The following ZSWIM9 variants were observed in gnomAD, a reference collection of about 807,000 sequenced individuals.
ZSWIM9 encodes the protein zinc finger SWIM-type containing 9, also known as uncharacterized protein ZSWIM9.
ZSWIM9 carries 11 observed loss-of-function variants against 25.0 expected under a neutral mutation model. The observed-to-expected ratio is 0.44, with a 90% CI of 0.28 to 0.73. ZSWIM9 has a LOEUF of 0.73. ZSWIM9 is among the 30% of genes least tolerant of loss of function. The pLI is 0.16. For synonymous variants in ZSWIM9, 562 were observed against 582.1 expected (o/e 0.97, Z 0.50); for missense variants, 1,070 against 1,296.5 (o/e 0.83, Z 2.68).
In ZSWIM9 at chr19:48,196,427, A is replaced by G. The variant is rs2123467040; in HGVS notation, c.2363A>G (p.His788Arg). ...GAATGGGCAGCGGCGAGGAGTGAACACCTGGCTGCAGGTGACGGCCTGCAG... is the reference window on the plus strand; with the variant it reads ...GAATGGGCAGCGGCGAGGAGTGAACGCCTGGCTGCAGGTGACGGCCTGCAG... Reference protein sequence around the residue: ...SPEWAAARSEHLAAGDGLQEG... With the variant: ...SPEWAAARSERLAAGDGLQEG... The change falls in exon 4 of 4, where the codon CAC (histidine) becomes CGC (arginine). Residue 788 changes from histidine (H) to arginine (R), a missense_variant. Around this residue, in one of 4 missense-constraint regions of ZSWIM9, gnomAD observed 583 missense variants for 624.7 expected, o/e 0.93. Coordinates refer to ENST00000614654, the MANE Select transcript of ZSWIM9 (RefSeq NM_199341.4). 3.2e-6 allele frequency: 4 copies of G among 1,232,296 alleles called. No homozygotes were observed. Among genetic ancestry groups the G allele is most frequent in the Non-Finnish European group, 4.0e-6 (4 of 988,244 alleles). The allele number at this position is 1,232,296 out of a possible 1,614,324, so 76.3% of individuals were successfully genotyped here. A position where few individuals can be genotyped will look rare whatever the true frequency, so the allele number is the denominator to read the frequency against.
At chr19:48,174,367 C>T (rs2036871749) in intron 2 of ZSWIM9, among the ~76,000 whole-genome samples, 1 of 151,984 alleles carries the variant, frequency 6.6e-6, no homozygotes, top group Non-Finnish European at 1.5e-5. Flanking sequence ...TGAGATCATA[C>T]ATGAGAAAAA....
In ZSWIM9 at chr19:48,195,823, C is replaced by G; in HGVS notation, c.1759C>G (p.Leu587Val). The change falls in exon 4 of 4, where the codon CTA (leucine) becomes GTA (valine). Residue 587 changes from leucine to valine, a missense_variant. Coordinates refer to ENST00000614654, the MANE Select transcript of ZSWIM9 (RefSeq NM_199341.4). This position sits in a 1 kb window ranked among gnomAD's most constrained non-coding sequence, Gnocchi z 5.8. ...WRGSQLEDQALRGLEGYTWRV... is the reference protein window; with the variant it reads ...WRGSQLEDQAVRGLEGYTWRV... ...GGGGTCCCAGTTGGAGGACCAGGCGCTAAGAGGATTGGAAGGGTATACCTG... is the reference window on the plus strand; with the variant it reads ...GGGGTCCCAGTTGGAGGACCAGGCGGTAAGAGGATTGGAAGGGTATACCTG... The G allele has an allele frequency of 6.7e-7, 1 of 1,485,072 alleles. No individual in the cohort carries two copies. The highest frequency in any genetic ancestry group is 8.9e-7 in the Non-Finnish European group (1 of 1,124,324). The allele number at this position is 1,485,072 out of a possible 1,614,324, so 92.0% of individuals were successfully genotyped here. A position where few individuals can be genotyped will look rare whatever the true frequency, so the allele number is the denominator to read the frequency against.
intron 2 of ZSWIM9, 25 bp downstream of exon 2, chr19:48,172,102 T>C: frequency 8.7e-7 from 1 of 1,153,620 alleles, no homozygotes; most frequent in Non-Finnish European, 1.1e-6. Context: ...GCCGCTGTCC[T>C]GCTGGGGGGA....
chr19:48,188,614 C>G (rs377011592), intron 3 of ZSWIM9, among the ~76,000 whole-genome samples: 1 of 152,158 alleles, frequency 6.6e-6, no homozygotes, highest in Admixed American at 6.5e-5. Context: ...TGGCAGGCAC[C>G]AGGGTAACCA....
intron 2 of ZSWIM9, among the ~76,000 whole-genome samples, chr19:48,179,140 A>T (rs374278311): frequency 2.0e-5 from 3 of 151,308 alleles, no homozygotes; most frequent in Admixed American, 6.6e-5. Flanking sequence ...ATACACTCTG[A>T]TTTTTTTTTC....
rs1173330681 is a variant in ZSWIM9, at chr19:48,192,468, A to ATATATAT, written c.589-2185_589-2184insTATATAT. Among the ~76,000 whole-genome samples the ATATATAT allele has an allele frequency of 5.1e-3, 121 of 23,734 alleles. 21 individuals are homozygous for ATATATAT. Among genetic ancestry groups the ATATATAT allele is most frequent in the Non-Finnish European group, 8.1e-3 (91 of 11,230 alleles). 15.6% of individuals were successfully genotyped at this position (23,734 alleles called of 152,430 possible). On this transcript the variant is annotated intron_variant, in intron 3 of 3. Transcript: ENST00000614654. ...CTGTCTCAAAAAAAAAAAAAAAAAA[A>ATATATAT]AAAAAAAAAAAAATATATATATATA...
intron 1 of ZSWIM9, 96 bp from the exon 2 acceptor site, chr19:48,171,698 A>T: frequency 8.0e-7 from 1 of 1,242,332 alleles, no homozygotes; most frequent in South Asian, 1.6e-5. Context: ...CGATAGAGGC[A>T]CCAGCAACCG....
At chr19:48,175,283 G>A (rs1030509969) in intron 2 of ZSWIM9, among the ~76,000 whole-genome samples, 3 of 152,140 alleles carry the variant, frequency 2.0e-5, no homozygotes, top group Non-Finnish European at 2.9e-5. Context: ...CTGGGACTGG[G>A]TAGATGATGA....
At chr19:48,187,544 TATA>T (rs1290215662) in intron 3 of ZSWIM9, 2 of 33,534 alleles carry the variant, frequency 6.0e-5, no homozygotes, top group African/African-American at 1.8e-4. Flanking sequence ...ATTATTATAT[TATA>T]TTATATATAT....
chr19:48,172,138 G>GT, intron 2 of ZSWIM9, 61 bp downstream of exon 2: 1 of 1,234,126 alleles, frequency 8.1e-7, no homozygotes, highest in Non-Finnish European at 1.1e-6. Flanking sequence ...GTGGGTGTGG[G>GT]TGGGAGACGG....
rs1480404959 is a variant in ZSWIM9, at chr19:48,196,725, T to C, written c.2661T>C (p.Arg887=). ...RCSCSIHAAR[R]LPCRHLFAAR... ...GCTGCTCAATTCACGCCGCCCGCCG[T>C]CTGCCCTGCAGACACCTCTTTGCAG... Residue 887 remains arginine, a synonymous_variant, in exon 4 of 4, where the codon CGT becomes CGC. Coordinates refer to ENST00000614654, the MANE Select transcript of ZSWIM9 (RefSeq NM_199341.4). 4 of 1,232,826 alleles carry C rather than the reference T, an allele frequency of 3.2e-6. No individual in the cohort carries two copies. The highest frequency in any genetic ancestry group is 3.0e-6 in the Non-Finnish European group (3 of 988,632). 76.4% of individuals were successfully genotyped at this position (1,232,826 alleles called of 1,614,324 possible).
At position 48,171,988 on chromosome 19, in the gene ZSWIM9, C is replaced by A. The variant is rs921880126; in HGVS notation, c.186C>A (p.Pro62=). 5.2e-6 allele frequency: 8 copies of A among 1,535,626 alleles called. No individual in the cohort carries two copies. The highest frequency in any genetic ancestry group is 1.2e-5 in the South Asian group (1 of 84,034). The part of the protein sequence containing the change: ...HLARCRWASA[P]PLYTLIDVLK... ...CGCGCTGCCGCTGGGCCAGTGCGCCCCCGCTCTACACGCTCATCGACGTGC... is the reference window on the plus strand; with the variant it reads ...CGCGCTGCCGCTGGGCCAGTGCGCCACCGCTCTACACGCTCATCGACGTGC... Residue 62 remains proline (P), a synonymous_variant, in exon 2 of 4, where the codon CCC becomes CCA. Transcript: ENST00000614654.
In ZSWIM9 at chr19:48,182,701, C is replaced by T. The variant is rs1335235059; in HGVS notation, c.522C>T (p.Arg174=). 1.4e-5 allele frequency: 21 copies of T among 1,535,426 alleles called. No homozygotes were observed. The Middle Eastern group carries it at 5.0e-4, about 36-fold the overall frequency. ...VRRLLSYCKG[R]DHGVLDALHV... ...GCCTGCTGTCCTACTGCAAGGGCCGCGACCACGGCGTCCTGGACGCCCTGC... is the reference window on the plus strand; with the variant it reads ...GCCTGCTGTCCTACTGCAAGGGCCGTGACCACGGCGTCCTGGACGCCCTGC... The change falls in exon 3 of 4, where the codon CGC becomes CGT. Residue 174 remains arginine (R), a synonymous_variant. Coordinates refer to ENST00000614654, the MANE Select transcript of ZSWIM9 (RefSeq NM_199341.4). This position sits in a 1 kb window ranked among gnomAD's most constrained non-coding sequence, Gnocchi z 4.6.
rs936763781 is a variant in ZSWIM9 at position 48,194,946 on chromosome 19, C to T, written c.882C>T (p.Ala294=). The T allele has an allele frequency of 2.3e-6, 3 of 1,322,868 alleles. No homozygotes were observed. Among genetic ancestry groups the T allele is most frequent in the African/African-American group, 3.2e-5 (2 of 62,930 alleles). The allele number at this position is 1,322,868 out of a possible 1,614,324, so 81.9% of individuals were successfully genotyped here. The part of the protein sequence containing the change: ...DVKGRVRCLT[A]GPEVAAQLPA... ...AGGGCCGCGTGCGCTGCCTCACCGC[C>T]GGGCCCGAGGTGGCGGCGCAGTTGC... Residue 294 remains alanine (A), a synonymous_variant, in exon 4 of 4, where the codon GCC becomes GCT. Coordinates refer to ENST00000614654, the MANE Select transcript of ZSWIM9 (RefSeq NM_199341.4). The surrounding 1 kb of genome is among the most constrained non-coding windows in gnomAD (Gnocchi z 6.0).
rs1469734133 is a variant in ZSWIM9 at position 48,171,778 on chromosome 19, C to A, written c.-9-16C>A. 2.0e-6 allele frequency: 3 copies of A among 1,521,882 alleles called. No individual in the cohort carries two copies. Among genetic ancestry groups the A allele is most frequent in the Non-Finnish European group, 2.6e-6 (3 of 1,140,034 alleles). 94.3% of individuals were successfully genotyped at this position (1,521,882 alleles called of 1,614,324 possible). On this transcript the variant is annotated splice_polypyrimidine_tract_variant and intron_variant, in intron 1 of 3. Coordinates refer to ENST00000614654, the MANE Select transcript of ZSWIM9 (RefSeq NM_199341.4). ...AATGGGTCTGATATCCACCTGTTCT[C>A]CCCTCCTCCACGCAGGCCCCCAGGA...
At position 48,195,065 on chromosome 19, in the gene ZSWIM9, G is replaced by T; in HGVS notation, c.1001G>T (p.Gly334Val). The T allele has an allele frequency of 7.3e-7, 1 of 1,372,464 alleles. No homozygotes were observed. The highest frequency in any genetic ancestry group is 1.5e-5 in the South Asian group (1 of 65,876). The allele number at this position is 1,372,464 out of a possible 1,614,324, so 85.0% of individuals were successfully genotyped here. A position where few individuals can be genotyped will look rare whatever the true frequency, so the allele number is the denominator to read the frequency against. The stretch of plus-strand genomic sequence containing the variant: ...TTCAGCAAGGCGCAGGAGCTGGGCG[G>T]CGCCGGCCGCGAGGACCCGGGCCTG... ...TLFSKAQELG[G>V]AGREDPGLWS... Residue 334 changes from glycine (G) to valine (V), a missense_variant, in exon 4 of 4, where the codon GGC becomes GTC. By Grantham distance (109) the Gly-to-Val change is moderately radical. Around this residue, in one of 4 missense-constraint regions of ZSWIM9, gnomAD observed 184 missense variants for 243.1 expected, o/e 0.76. Transcript: ENST00000614654. The surrounding 1 kb of genome is among the most constrained non-coding windows in gnomAD (Gnocchi z 5.8).
In ZSWIM9 at chr19:48,172,056, C is replaced by T; in HGVS notation, c.254C>T (p.Ala85Val). 2.6e-6 allele frequency: 4 copies of T among 1,523,868 alleles called. No individual in the cohort carries two copies. Among genetic ancestry groups the T allele is most frequent in the Non-Finnish European group, 3.5e-6 (4 of 1,137,652 alleles). 94.4% of individuals were successfully genotyped at this position (1,523,868 alleles called of 1,614,324 possible). The change falls in exon 2 of 4, where the codon GCG becomes GTG. Residue 85 changes from alanine (A) to valine (V), a missense_variant. This residue lies in a region of ZSWIM9 where 265 missense variants were observed against 339.0 expected (regional missense o/e 0.78). Transcript: ENST00000614654. ...CGGCTTGTGTGCAAGGACGTGCGTG[C>T]GCCCAGCCGGCCCGCCGTGGGGTGC... The part of the protein sequence containing the change: ...YVRLVCKDVR[A>V]PSRPAVGPPQ...
chr19:48,188,517 G>A (rs1014660963), intron 3 of ZSWIM9, among the ~76,000 whole-genome samples: 9 of 151,390 alleles, frequency 5.9e-5, no homozygotes, highest in African/African-American at 1.2e-4. Context: ...GTGAGCCACC[G>A]CACCCAACCT....
At position 48,195,338 on chromosome 19, in the gene ZSWIM9, A is replaced by G; in HGVS notation, c.1274A>G (p.Gln425Arg). 1.3e-6 allele frequency: 2 copies of G among 1,527,970 alleles called. No homozygotes were observed. The highest frequency in any genetic ancestry group is 1.7e-6 in the Non-Finnish European group (2 of 1,143,898). The allele number at this position is 1,527,970 out of a possible 1,614,324, so 94.7% of individuals were successfully genotyped here. A position where few individuals can be genotyped will look rare whatever the true frequency, so the allele number is the denominator to read the frequency against. The change falls in exon 4 of 4, where the codon CAG (glutamine) becomes CGG (arginine). Residue 425 changes from glutamine (Q) to arginine (R), a missense_variant. By Grantham distance (43) the Gln-to-Arg change is conservative (BLOSUM62 1). Transcript: ENST00000614654. The surrounding 1 kb of genome is among the most constrained non-coding windows in gnomAD (Gnocchi z 5.8). ...CTCAGCCCCTCGCGTGGCGTGGCGCAGTGCCTTCGCGACCTGGTGGCCATG... is the reference window on the plus strand; with the variant it reads ...CTCAGCCCCTCGCGTGGCGTGGCGCGGTGCCTTCGCGACCTGGTGGCCATG... ...RRLSPSRGVAQCLRDLVAMQW... is the reference protein window; with the variant it reads ...RRLSPSRGVARCLRDLVAMQW...
Sources: gnomAD v4.1 joint callset for allele counts (sites outside exome capture counted in the v4.1 genomes callset) on GRCh38, gnomAD v4.1.1 for gene constraint, gnomAD v4.1.1 regional missense constraint, Gnocchi (gnomAD v3.1) non-coding constraint, MANE v1.5 for transcripts, NCBI Gene and HGNC (gene_info 2026-07-23, HGNC 2026-07-21) for gene names.